Variants in CERS6 observed in about 807,000 individuals in gnomAD.
CERS6 encodes LAG1 homolog, ceramide synthase 6.
In CERS6, 26 loss-of-function variants were observed where a neutral mutation model predicts 56.8. That is an observed-to-expected ratio of 0.46 (90% CI 0.34 to 0.63). CERS6 has a LOEUF of 0.63. Ranked by LOEUF, CERS6 falls within the 30% of genes least tolerant of loss-of-function variation. The pLI, the probability that CERS6 is intolerant of heterozygous loss-of-function variation, is 0.01. For synonymous variants in CERS6, 164 were observed against 173.3 expected (o/e 0.95, Z 0.42); for missense variants, 415 against 467.5 (o/e 0.89, Z 1.04).
At chr2:168,477,884 C>G (rs1351058075) in intron 1 of CERS6, among the ~76,000 whole-genome samples, 1 of 152,128 alleles carries the variant, frequency 6.6e-6, no homozygotes, top group Non-Finnish European at 1.5e-5. Context: ...TGTTTTAAAG[C>G]CACTTGTATT....
At chr2:168,631,895 ATAT>A (rs1281358741) in intron 4 of CERS6, among the ~76,000 whole-genome samples, 4 of 139,510 alleles carry the variant, frequency 2.9e-5, no homozygotes, top group African/African-American at 1.1e-4. Flanking sequence ...TATATATTAC[ATAT>A]TATATATATA....
intron 2 of CERS6, among the ~76,000 whole-genome samples, chr2:168,551,012 A>G (rs1400887211): frequency 6.6e-6 from 1 of 152,240 alleles, no homozygotes; most frequent in Non-Finnish European, 1.5e-5. Flanking sequence ...GTATGAGCCA[A>G]GAATCCAAGC....
At chr2:168,739,813 T>C (rs892575685) in intron 8 of CERS6, among the ~76,000 whole-genome samples, 4 of 151,760 alleles carry the variant, frequency 2.6e-5, no homozygotes, top group Non-Finnish European at 5.9e-5. Flanking sequence ...TGGCACCATC[T>C]CAGCTCACTG....
At chr2:168,571,921 T>C (rs1320312339) in intron 3 of CERS6, among the ~76,000 whole-genome samples, 1 of 152,220 alleles carries the variant, frequency 6.6e-6, no homozygotes, top group Non-Finnish European at 1.5e-5. Context: ...CACTATTTCT[T>C]ATATTGCCTA....
At chr2:168,520,692 C>T (rs187600412) in intron 1 of CERS6, among the ~76,000 whole-genome samples, 1 of 147,038 alleles carries the variant, frequency 6.8e-6, no homozygotes, top group African/African-American at 2.5e-5. Flanking sequence ...TCACCGCAAC[C>T]TCCGCCTCCT....
chr2:168,719,768 CTTCCAG>C (rs1413179796), intron 8 of CERS6, among the ~76,000 whole-genome samples: 1 of 152,164 alleles, frequency 6.6e-6, no homozygotes, highest in Non-Finnish European at 1.5e-5. Flanking sequence ...CCAGACTTCT[CTTCCAG>C]TCACAATACA....
chr2:168,459,585 C>G (rs1162889715), intron 1 of CERS6, among the ~76,000 whole-genome samples: 2 of 151,818 alleles, frequency 1.3e-5, no homozygotes, highest in African/African-American at 4.8e-5. Flanking sequence ...CGGGTAAGGA[C>G]CAGGACCACT....
At chr2:168,599,274 A>G (rs1329194259) in intron 3 of CERS6, among the ~76,000 whole-genome samples, 1 of 151,866 alleles carries the variant, frequency 6.6e-6, no homozygotes, top group Non-Finnish European at 1.5e-5. Context: ...CTCACATCCT[A>G]TTTCTCACTC....
At chr2:168,769,174 C>T (rs1324375611) in intron 9 of CERS6, among the ~76,000 whole-genome samples, 1 of 151,964 alleles carries the variant, frequency 6.6e-6, no homozygotes, top group Non-Finnish European at 1.5e-5. Flanking sequence ...CCATTTGTAC[C>T]AAATTCCTAT....
At chr2:168,761,969 A>T (rs1463598143) in intron 8 of CERS6, among the ~76,000 whole-genome samples, 1 of 152,146 alleles carries the variant, frequency 6.6e-6, no homozygotes, top group Non-Finnish European at 1.5e-5. Flanking sequence ...GAACACAGGG[A>T]CACAGGGAGG....
At chr2:168,491,591 T>A (rs1694375286) in intron 1 of CERS6, among the ~76,000 whole-genome samples, 1 of 152,184 alleles carries the variant, frequency 6.6e-6, no homozygotes, top group Admixed American at 6.5e-5. Context: ...TAGGGTTAAC[T>A]ATGGAACTAT....
intron 6 of CERS6, among the ~76,000 whole-genome samples, chr2:168,704,630 C>T (rs1370935148): frequency 7.2e-5 from 11 of 152,022 alleles, no homozygotes; most frequent in African/African-American, 2.2e-4. Context: ...TTTTTTGAGA[C>T]GAGTCTCGCT....
chr2:168,719,596 C>G (rs907153293), intron 8 of CERS6, among the ~76,000 whole-genome samples: 2 of 152,162 alleles, frequency 1.3e-5, no homozygotes, highest in Non-Finnish European at 2.9e-5. Context: ...CAATACCTTC[C>G]AGGTTCCTCT....
chr2:168,481,390 G>A lies in CERS6; in HGVS notation c.170+24772G>A, dbSNP rs369097804. Reference sequence around the variant, plus strand: ...GACTGTGCCACTGCACTCCAGCCTGGGCAACAGAGGGAGACTCCGTCTCAA... The same window carrying A: ...GACTGTGCCACTGCACTCCAGCCTGAGCAACAGAGGGAGACTCCGTCTCAA... On this transcript the variant is annotated intron_variant, in intron 1 of 9. Coordinates refer to ENST00000305747, the MANE Select transcript of CERS6 (RefSeq NM_203463.3). Among the ~76,000 whole-genome samples the A allele has an allele frequency of 3.2e-4, 49 of 152,224 alleles. No homozygotes were observed. The South Asian group carries it at 1.0e-2, about 31-fold the overall frequency.
chr2:168,711,294 C>T (rs572228205), intron 6 of CERS6, among the ~76,000 whole-genome samples: 34 of 152,314 alleles, frequency 2.2e-4, no homozygotes, highest in African/African-American at 7.5e-4. Context: ...AAAGAGGGTG[C>T]ATGTGTGGGC....
intron 1 of CERS6, among the ~76,000 whole-genome samples, chr2:168,491,402 T>C (rs1414042655): frequency 6.6e-6 from 1 of 152,210 alleles, no homozygotes; most frequent in Non-Finnish European, 1.5e-5. Flanking sequence ...TTTGACTTTA[T>C]ATTTAGGAGT....
At chr2:168,734,567 C>A (rs1683656538) in intron 8 of CERS6, among the ~76,000 whole-genome samples, 1 of 152,212 alleles carries the variant, frequency 6.6e-6, no homozygotes, top group African/African-American at 2.4e-5. Context: ...CACACACATG[C>A]ACACGCACAC....
intron 6 of CERS6, among the ~76,000 whole-genome samples, chr2:168,709,221 C>T (rs1350386057): frequency 1.3e-5 from 2 of 152,070 alleles, no homozygotes; most frequent in East Asian, 1.9e-4. Context: ...TACCTGTACC[C>T]AGGAATTTCT....
intron 2 of CERS6, among the ~76,000 whole-genome samples, chr2:168,551,330 A>C (rs550062216): frequency 3.3e-5 from 5 of 152,208 alleles, no homozygotes; most frequent in African/African-American, 1.2e-4. Flanking sequence ...AAATTTTATA[A>C]ACACTTTATA....
Sources: allele counts gnomAD v4.1 joint callset (sites outside exome capture counted in the v4.1 genomes callset), GRCh38; gene constraint gnomAD v4.1.1; transcripts MANE v1.5; gene names NCBI Gene and HGNC (gene_info 2026-07-23, HGNC 2026-07-21).